MBNL1: variants seen among roughly 807,000 people sequenced by gnomAD.
MBNL1 encodes the protein muscleblind-like protein 1.
In MBNL1, 8 loss-of-function variants were observed where a neutral mutation model predicts 42.2. The observed-to-expected ratio is 0.19, with a 90% CI of 0.11 to 0.34. The LOEUF (loss-of-function observed/expected upper bound fraction) is 0.34. Ranked by LOEUF, MBNL1 falls within the 10% of genes least tolerant of loss-of-function variation. The probability of loss-of-function intolerance (pLI) is 1.00; values close to 1 mark genes in which losing one functional copy is unlikely to be tolerated. For synonymous variants in MBNL1, 169 were observed against 173.9 expected, an observed-to-expected ratio of 0.97 and a Z score of 0.22; for missense variants, 309 against 495.3, an observed-to-expected ratio of 0.62 and a Z score of 3.57.
intron 1 of MBNL1, among the ~76,000 whole-genome samples, chr3:152,289,876 TG>T (rs763881464): frequency 1.8e-4 from 27 of 152,122 alleles, no homozygotes; most frequent in Non-Finnish European, 3.1e-4. Flanking sequence ...GAAATATTTG[TG>T]TATTACGTTG....
intron 6 of MBNL1, among the ~76,000 whole-genome samples, chr3:152,451,707 T>C (rs1200957611): frequency 1.3e-5 from 2 of 152,186 alleles, no homozygotes; most frequent in Non-Finnish European, 2.9e-5. Flanking sequence ...AACGCTACAA[T>C]TCCCTATTGC....
intron 2 of MBNL1, among the ~76,000 whole-genome samples, chr3:152,329,911 T>C (rs1465782303): frequency 6.6e-6 from 1 of 151,852 alleles, no homozygotes. Context: ...TCTCTAAATA[T>C]TTTAAGGATT....
upstream of MBNL1, chr3:152,266,810 C>G (rs2037305353): frequency 6.6e-6 from 1 of 152,284 alleles, no homozygotes; most frequent in Non-Finnish European, 1.5e-5. Context: ...GTCATTTTTC[C>G]AGTCTGTCCA....
chr3:152,377,437 A>T (rs2096958558), intron 2 of MBNL1, among the ~76,000 whole-genome samples: 1 of 152,180 alleles, frequency 6.6e-6, no homozygotes, highest in African/African-American at 2.4e-5. Flanking sequence ...TCAGCCATAG[A>T]CCGTTAGTAA....
At chr3:152,433,120 T>C (rs1189811585) in intron 4 of MBNL1, among the ~76,000 whole-genome samples, 200 bp downstream of exon 4, 1 of 152,206 alleles carries the variant, frequency 6.6e-6, no homozygotes, top group Non-Finnish European at 1.5e-5. Context: ...ACAACATCCA[T>C]GTTTAGAATA....
intron 3 of MBNL1, among the ~76,000 whole-genome samples, chr3:152,431,506 C>T (rs2153747909): frequency 6.6e-6 from 1 of 152,270 alleles, no homozygotes; most frequent in South Asian, 2.1e-4. Flanking sequence ...CTCTTGAATA[C>T]TACATATATT....
At position 152,463,983 on chromosome 3, in the gene MBNL1, C is replaced by CTATT. The variant is rs1421404501; in HGVS notation, c.*1618_*1621dup. 6.6e-6 allele frequency: 1 copy of CTATT among 152,490 alleles called. No homozygotes were observed. Among genetic ancestry groups the CTATT allele is most frequent in the African/African-American group, 2.4e-5 (1 of 41,434 alleles). The allele number at this position is 152,490 out of a possible 1,614,324, so 9.4% of individuals were successfully genotyped here. ...TGATTTTACTGATTGTACTGTACAT[C>CTATT]TATTAAAGCCTTAGATTATTACATT... On this transcript the variant is annotated 3_prime_UTR_variant, in exon 10 of 10. Coordinates refer to ENST00000324210, the MANE Select transcript of MBNL1 (RefSeq NM_021038.5).
At chr3:152,432,106 C>T (rs2099015224) in intron 3 of MBNL1, among the ~76,000 whole-genome samples, 1 of 152,152 alleles carries the variant, frequency 6.6e-6, no homozygotes. Flanking sequence ...TATAATTTCC[C>T]CCAGGAAAAT....
intron 1 of MBNL1, among the ~76,000 whole-genome samples, chr3:152,270,851 T>C (rs2041145500): frequency 6.6e-6 from 1 of 152,208 alleles, no homozygotes; most frequent in Admixed American, 6.5e-5. Context: ...CATAGCTTTT[T>C]TAGTCTTATT....
chr3:152,453,400 T>C (rs1275685074), intron 6 of MBNL1, among the ~76,000 whole-genome samples: 2 of 152,208 alleles, frequency 1.3e-5, no homozygotes, highest in Non-Finnish European at 2.9e-5. Flanking sequence ...GCAATTAAAA[T>C]AACACATTTC....
At chr3:152,300,883 C>T in intron 2 of MBNL1, 1 of 960,014 alleles carries the variant, frequency 1.0e-6, no homozygotes, top group Non-Finnish European at 1.2e-6. Flanking sequence ...ATTTTCAGGC[C>T]AGAGCCACGC....
At position 152,365,996 on chromosome 3, in the gene MBNL1, C is replaced by CT. The variant is rs1446816910; in HGVS notation, c.175-48944dup. The stretch of plus-strand genomic sequence containing the variant: ...AAAAAGGTGCTATATTTGCTACAAC[C>CT]TAGGAGGAACACAATACTGACATTT... On this transcript the variant is annotated intron_variant, in intron 2 of 9. Coordinates refer to ENST00000324210, the MANE Select transcript of MBNL1 (RefSeq NM_021038.5). Among the ~76,000 whole-genome samples, 17 of 152,176 alleles carry CT rather than the reference C, an allele frequency of 1.1e-4. No individual in the cohort carries two copies. The East Asian group carries it at 3.3e-3, about 29-fold the overall frequency.
At chr3:152,329,704 T>TG (rs1283181282) in intron 2 of MBNL1, among the ~76,000 whole-genome samples, 3 of 147,008 alleles carry the variant, frequency 2.0e-5, no homozygotes, top group Non-Finnish European at 4.5e-5. Flanking sequence ...ATTATATATA[T>TG]ATATAATATA....
At chr3:152,355,084 A>G (rs2095413095) in intron 2 of MBNL1, among the ~76,000 whole-genome samples, 1 of 152,098 alleles carries the variant, frequency 6.6e-6, no homozygotes, top group Non-Finnish European at 1.5e-5. Flanking sequence ...TATGCTCAAT[A>G]CATTGAGTGA....
intron 2 of MBNL1, among the ~76,000 whole-genome samples, chr3:152,317,536 C>T (rs2072796257): frequency 6.6e-6 from 1 of 151,936 alleles, no homozygotes; most frequent in Non-Finnish European, 1.5e-5. Flanking sequence ...CCCAGGCTGG[C>T]CTTGAAATCC....
chr3:152,407,585 G>A lies in MBNL1; in HGVS notation c.175-7356G>A, dbSNP rs12634198. ...TGGTAAAACTATGAAATAAGTACAA[G>A]GGTGCTATGATACTAAACACAGACA... On this transcript the variant is annotated intron_variant, in intron 2 of 9. Transcript: ENST00000324210. 0.013 allele frequency among the ~76,000 whole-genome samples: 1,973 copies of A among 152,086 alleles called. 190 individuals carry two copies. In the East Asian group the frequency reaches 0.22, roughly 17 times the overall value.
chr3:152,396,588 T>C (rs2097950345), intron 2 of MBNL1, among the ~76,000 whole-genome samples: 1 of 152,230 alleles, frequency 6.6e-6, no homozygotes, highest in South Asian at 2.1e-4. Context: ...TCCTAGTCTG[T>C]CTTTCCTCTG....
At chr3:152,335,417 A>G (rs2089146555) in intron 2 of MBNL1, among the ~76,000 whole-genome samples, 1 of 152,202 alleles carries the variant, frequency 6.6e-6, no homozygotes, top group Non-Finnish European at 1.5e-5. Flanking sequence ...TATGTTCCAT[A>G]AAGTTCTCAT....
chr3:152,409,045 C>A (rs1468656167), intron 2 of MBNL1, among the ~76,000 whole-genome samples: 1 of 152,114 alleles, frequency 6.6e-6, no homozygotes. Flanking sequence ...CATTTAAGAG[C>A]AACAATATAC....
Sources: allele counts gnomAD v4.1 joint callset (sites outside exome capture counted in the v4.1 genomes callset), GRCh38; gene constraint gnomAD v4.1.1; transcripts MANE v1.5; gene names NCBI Gene and HGNC (gene_info 2026-07-23, HGNC 2026-07-21).